LEPR: variants seen among roughly 807,000 people sequenced by gnomAD.
LEPR encodes leptin receptor, also known as OB receptor.
In LEPR, 56 loss-of-function variants were observed where a neutral mutation model predicts 114.7. The observed-to-expected ratio is 0.49, with a 90% CI of 0.39 to 0.61. The LOEUF (loss-of-function observed/expected upper bound fraction) is 0.61, where lower values mean the gene tolerates loss of function less well. LEPR is among the 20% of genes least tolerant of loss of function. The pLI, the probability that LEPR is intolerant of heterozygous loss-of-function variation, is 0.00. For missense variants in LEPR, 1,202 were observed against 1,352.9 expected (o/e 0.89, Z 1.75); for synonymous variants, 443 against 461.4 (o/e 0.96, Z 0.51).
At chr1:65,505,371 T>C (rs1440678658) in intron 2 of LEPR, among the ~76,000 whole-genome samples, 3 of 152,210 alleles carry the variant, frequency 2.0e-5, no homozygotes, top group African/African-American at 7.2e-5. Flanking sequence ...ATGCATACTC[T>C]TTCCTCTGTC....
At chr1:65,488,705 C>A (rs1031788608) in intron 2 of LEPR, among the ~76,000 whole-genome samples, 5 of 151,986 alleles carry the variant, frequency 3.3e-5, no homozygotes, top group African/African-American at 9.7e-5. Context: ...AGATCTTATT[C>A]ATTCTATCTA....
intron 2 of LEPR, among the ~76,000 whole-genome samples, chr1:65,501,425 A>T (rs72921490): frequency 0.16 from 24,650 of 150,404 alleles, 2,256 homozygotes; most frequent in Middle Eastern, 0.3. Flanking sequence ...GGTGTCCTTA[A>T]AAGAAGAGAA....
Position 65,570,470 on chromosome 1 carries a change from C to T in LEPR, c.41-3C>T. 1 of 1,612,542 alleles carries T rather than the reference C, an allele frequency of 6.2e-7. No homozygotes were observed. On this transcript the variant is annotated splice_polypyrimidine_tract_variant and splice_region_variant and intron_variant, in intron 3 of 19. Coordinates refer to ENST00000349533, the MANE Select transcript of LEPR (RefSeq NM_002303.6). ...TCTATGTGTCTTTTTAATATCCTAA[C>T]AGAATTTATTTATGTGATAACTGCG...
At chr1:65,472,119 A>G (rs957696923) in intron 2 of LEPR, among the ~76,000 whole-genome samples, 3 of 152,192 alleles carry the variant, frequency 2.0e-5, no homozygotes, top group African/African-American at 7.2e-5. Flanking sequence ...AATTTGGTTC[A>G]AAAGATAAAG....
intron 2 of LEPR, among the ~76,000 whole-genome samples, chr1:65,551,879 A>G (rs143451952): frequency 7.9e-5 from 12 of 152,180 alleles, no homozygotes; most frequent in African/African-American, 2.6e-4. Context: ...CGCTTTATAT[A>G]TGTCCCAGAG....
At chr1:65,538,370 G>A (rs549032660) in intron 2 of LEPR, among the ~76,000 whole-genome samples, 202 of 152,040 alleles carry the variant, frequency 1.3e-3, no homozygotes, top group African/African-American at 4.4e-3. Context: ...TACTACAGCT[G>A]CTATCTGGAC....
intron 2 of LEPR, among the ~76,000 whole-genome samples, chr1:65,521,455 G>C (rs991924769): frequency 2.0e-5 from 3 of 152,108 alleles, no homozygotes; most frequent in African/African-American, 7.2e-5. Context: ...GCGACTCCTG[G>C]ATTAGTGTTT....
At chr1:65,488,222 C>T (rs373290943) in intron 2 of LEPR, among the ~76,000 whole-genome samples, 30,522 of 69,590 alleles carry the variant, frequency 0.44, 7,291 homozygotes, top group Middle Eastern at 0.56. Context: ...CTCTCTCTCT[C>T]TCTCTCTTTC....
intron 14 of LEPR, among the ~76,000 whole-genome samples, chr1:65,612,677 ATCT>A (rs796212196): frequency 6.8e-5 from 10 of 147,280 alleles, no homozygotes; most frequent in African/African-American, 2.1e-4. Flanking sequence ...AGTTTCTTAG[ATCT>A]TCTTTGTTTT....
rs531126572 is a variant in LEPR at position 65,621,467 on chromosome 1, C to T, written c.2597+9C>T. ...TTAATATCACACCAAAGGTATTGTA[C>T]TTGAGGTTAAGAATCTTTACGGCAA... On this transcript the variant is annotated intron_variant, in intron 18 of 19. Transcript: ENST00000349533. The T allele has an allele frequency of 9.3e-6, 15 of 1,607,896 alleles. No individual in the cohort carries two copies. The South Asian group carries it at 9.9e-5, about 11-fold the overall frequency.
At chr1:65,491,395 C>G (rs1185706703) in intron 2 of LEPR, among the ~76,000 whole-genome samples, 1 of 152,098 alleles carries the variant, frequency 6.6e-6, no homozygotes, top group East Asian at 1.9e-4. Flanking sequence ...GATTGTAAAA[C>G]TTCAGGAAAA....
At chr1:65,422,486 T>C (rs1646270364) in intron 1 of LEPR, among the ~76,000 whole-genome samples, 1 of 152,256 alleles carries the variant, frequency 6.6e-6, no homozygotes, top group Non-Finnish European at 1.5e-5. Flanking sequence ...TCTGTTGTTC[T>C]CAGCCATCCA....
chr1:65,610,384 C>T (rs547950738), intron 14 of LEPR, 88 bp downstream of exon 14: 53 of 1,118,428 alleles, frequency 4.7e-5, no homozygotes, highest in Middle Eastern at 3.0e-4. Flanking sequence ...TATTAATCTT[C>T]GGAAAGCTCA....
At position 65,636,622 on chromosome 1, in the gene LEPR, A is replaced by AT; in HGVS notation, c.3111dup (p.Ile1038TyrfsTer22). ...GCTCATGGGAGATAGAGGCCCAGGC[A>AT]TTTTTTATATTATCAGATCAGCATC... On this transcript the variant is annotated frameshift_variant, in exon 20 of 20. Transcript: ENST00000349533. LOFTEE classifies it high-confidence loss of function. The AT allele has an allele frequency of 6.2e-7, 1 of 1,613,472 alleles. No homozygotes were observed. The highest frequency in any genetic ancestry group is 8.5e-7 in the Non-Finnish European group (1 of 1,179,768).
At chr1:65,430,440 C>CATGAT (rs1646464252) in intron 2 of LEPR, 1 of 156,414 alleles carries the variant, frequency 6.4e-6, no homozygotes, top group Non-Finnish European at 1.4e-5. Context: ...ACTCTCAACT[C>CATGAT]AGTATAATAG....
chr1:65,623,852 C>T (rs1169754611), intron 19 of LEPR, among the ~76,000 whole-genome samples: 2 of 152,136 alleles, frequency 1.3e-5, no homozygotes, highest in Non-Finnish European at 2.9e-5. Context: ...ACGACTTTTT[C>T]TATCCCTGGG....
chr1:65,432,122 A>T, intron 2 of LEPR: 1 of 1,258,094 alleles, frequency 7.9e-7, no homozygotes. Flanking sequence ...AGATTATGTT[A>T]CTCAAATTAT....
intron 5 of LEPR, among the ~76,000 whole-genome samples, chr1:65,589,817 T>C (rs180689695): frequency 6.6e-4 from 101 of 152,232 alleles, no homozygotes; most frequent in Admixed American, 4.0e-3. Flanking sequence ...GGCCTGATTA[T>C]TGCAGCTTTA....
intron 8 of LEPR, 33 bp from the exon 9 acceptor site, chr1:65,601,359 C>A: frequency 6.2e-7 from 1 of 1,606,748 alleles, no homozygotes. Context: ...AATGTTTTGT[C>A]TTCATCTGAT....
Sources: allele counts gnomAD v4.1 joint callset (sites outside exome capture counted in the v4.1 genomes callset), GRCh38; gene constraint gnomAD v4.1.1; transcripts MANE v1.5; gene names NCBI Gene and HGNC (gene_info 2026-07-23, HGNC 2026-07-21).